Variants in PCDHGB3 observed in about 807,000 individuals in gnomAD.
The protein encoded by PCDHGB3 is protocadherin gamma subfamily B, 3.
A neutral mutation model predicts 59.2 loss-of-function variants in PCDHGB3; 40 were observed. The observed-to-expected ratio is 0.68, with a 90% CI of 0.52 to 0.88. PCDHGB3 has a LOEUF of 0.88. Ranked by LOEUF, PCDHGB3 falls within the 40% of genes least tolerant of loss-of-function variation. The pLI, the probability that PCDHGB3 is intolerant of heterozygous loss-of-function variation, is 0.00. For synonymous variants in PCDHGB3, 581 were observed against 503.6 expected, an observed-to-expected ratio of 1.15 and a Z score of -2.06; for missense variants, 1,309 against 1,187.9, an observed-to-expected ratio of 1.10 and a Z score of -1.50.
chr5:141,490,249 C>T lies in PCDHGB3; in HGVS notation c.2416-4558C>T, dbSNP rs2099697737. On this transcript the variant is annotated intron_variant, in intron 1 of 3. Coordinates refer to ENST00000576222, the MANE Select transcript of PCDHGB3 (RefSeq NM_018924.5). The surrounding 1 kb of genome is among the most constrained non-coding windows in gnomAD (Gnocchi z 5.4). ...TGCCATGGAGGGCCACTGTGTGATT[C>T]AAGTGGATGTGGGGGATGTCAATGA... The T allele has an allele frequency of 1.2e-6, 2 of 1,614,218 alleles. No individual in the cohort carries two copies. The highest frequency in any genetic ancestry group is 1.7e-6 in the Non-Finnish European group (2 of 1,180,044).
chr5:141,377,273 A>G (rs910126061), intron 1 of PCDHGB3: 1 of 96,864 alleles, frequency 1.0e-5, no homozygotes, highest in African/African-American at 5.8e-5. Flanking sequence ...CTAATGTGGG[A>G]AAAAAAATAA....
intron 1 of PCDHGB3, chr5:141,421,959 A>G (rs2096614103): frequency 1.9e-6 from 3 of 1,612,798 alleles, no homozygotes; most frequent in East Asian, 2.2e-5. Flanking sequence ...CAATGTTTAC[A>G]CAGTCCGTAT....
At position 141,372,722 on chromosome 5, in the gene PCDHGB3, A is replaced by T. The variant is rs551482869; in HGVS notation, c.2328A>T (p.Ala776=). 13 of 1,613,812 alleles carry T rather than the reference A, an allele frequency of 8.1e-6. No individual in the cohort carries two copies. The Admixed American group carries it at 2.2e-4, about 27-fold the overall frequency. ...KFLNIKAENA[A]PQDLLCDEAS... is the part of the protein sequence containing the mutation. The stretch of plus-strand genomic sequence containing the variant: ...TCAATATAAAGGCTGAAAATGCTGC[A>T]CCACAAGATCTTCTATGTGATGAAG... Residue 776 remains alanine, a synonymous_variant, in exon 1 of 4, where the codon GCA becomes GCT. Coordinates refer to ENST00000576222, the MANE Select transcript of PCDHGB3 (RefSeq NM_018924.5).
At position 141,393,973 on chromosome 5, in the gene PCDHGB3, G is replaced by A. The variant is rs776954838; in HGVS notation, c.2415+21164G>A. ...AATGGTCAAGTTGTCTGTTACACAC[G>A]TGATAATTTACCTTTTAAATTAGAA... On this transcript the variant is annotated intron_variant, in intron 1 of 3. Transcript: ENST00000576222. 3.1e-6 allele frequency: 5 copies of A among 1,613,784 alleles called. No individual in the cohort carries two copies. The South Asian group carries it at 5.5e-5, about 18-fold the overall frequency.
At chr5:141,448,074 G>A (rs1008235342) in intron 1 of PCDHGB3, among the ~76,000 whole-genome samples, 3 of 151,152 alleles carry the variant, frequency 2.0e-5, no homozygotes, top group Admixed American at 1.3e-4. Context: ...CAACATGAAC[G>A]AAATGCCATC....
At chr5:141,384,149 T>A in intron 1 of PCDHGB3, 1 of 1,613,370 alleles carries the variant, frequency 6.2e-7, no homozygotes, top group Non-Finnish European at 8.5e-7. Flanking sequence ...ACACTCTCTT[T>A]GTATAACATC....
intron 1 of PCDHGB3, among the ~76,000 whole-genome samples, chr5:141,373,223 T>C (rs1769412774): frequency 6.6e-6 from 1 of 152,256 alleles, no homozygotes; most frequent in Admixed American, 6.5e-5. Context: ...ATGTAACCTG[T>C]ATATAATATT....
rs771313271 is a variant in PCDHGB3 at position 141,477,861 on chromosome 5, G to C, written c.2416-16946G>C. 1.2e-6 allele frequency: 2 copies of C among 1,612,714 alleles called. No individual in the cohort carries two copies. Among genetic ancestry groups the C allele is most frequent in the South Asian group, 1.1e-5 (1 of 90,968 alleles). On this transcript the variant is annotated intron_variant, in intron 1 of 3. Transcript: ENST00000576222. The surrounding 1 kb of genome is among the most constrained non-coding windows in gnomAD (Gnocchi z 4.9). ...GGGAGCTCGGTGGAGATGCTGCCTC[G>C]AGGTACCTCAGCTGGCCACCTAGTG...
intron 1 of PCDHGB3, chr5:141,475,820 C>G (rs890721743): frequency 1.1e-5 from 4 of 351,810 alleles, no homozygotes; most frequent in Non-Finnish European, 1.5e-5. Context: ...AAGTTCCTGG[C>G]GCTAGCGCGT....
intron 1 of PCDHGB3, 96 bp from the exon 2 acceptor site, chr5:141,494,711 A>T (rs757105958): frequency 6.3e-7 from 1 of 1,599,616 alleles, no homozygotes; most frequent in Non-Finnish European, 8.5e-7. Context: ...CTCTGTGCCC[A>T]CTCCCCTCCT....
At chr5:141,414,220 C>T in intron 1 of PCDHGB3, 1 of 1,613,094 alleles carries the variant, frequency 6.2e-7, no homozygotes, top group Non-Finnish European at 8.5e-7. Flanking sequence ...TGACAACAGT[C>T]CAGAGCTGAC....
chr5:141,496,932 T>G (rs1336402833), intron 2 of PCDHGB3, among the ~76,000 whole-genome samples: 1 of 148,964 alleles, frequency 6.7e-6, no homozygotes, highest in Non-Finnish European at 1.5e-5. Context: ...ACGCCTGTAA[T>G]CCCAGCACTT....
chr5:141,425,836 C>T (rs568578402), intron 1 of PCDHGB3, among the ~76,000 whole-genome samples: 1 of 152,344 alleles, frequency 6.6e-6, no homozygotes, highest in East Asian at 1.9e-4. Context: ...TTTAAATTCT[C>T]TTTGCTGGGT....
At chr5:141,467,693 G>C (rs543886467) in intron 1 of PCDHGB3, among the ~76,000 whole-genome samples, 49 of 152,108 alleles carry the variant, frequency 3.2e-4, no homozygotes, top group African/African-American at 1.1e-3. Flanking sequence ...ACAGGGTCTG[G>C]CTCTGTTGCC....
At chr5:141,391,586 A>T (rs2092395151) in intron 1 of PCDHGB3, 1 of 152,234 alleles carries the variant, frequency 6.6e-6, no homozygotes. Flanking sequence ...TTCACAGGAA[A>T]ATATAAAGTT....
chr5:141,400,459 G>T, intron 1 of PCDHGB3: 1 of 1,614,072 alleles, frequency 6.2e-7, no homozygotes, highest in African/African-American at 1.3e-5. Context: ...CATACTTTGT[G>T]GTGATTCATC....
Position 141,413,628 on chromosome 5 carries a change from T to G in PCDHGB3, c.2415+40819T>G, listed in dbSNP as rs570797524. 4.3e-6 allele frequency: 7 copies of G among 1,613,878 alleles called. No homozygotes were observed. The African/African-American group carries it at 6.7e-5, about 15-fold the overall frequency. On this transcript the variant is annotated intron_variant, in intron 1 of 3. Coordinates refer to ENST00000576222, the MANE Select transcript of PCDHGB3 (RefSeq NM_018924.5). ...ACGTAAAAATTAATGAAAATGTCGC[T>G]GCGGGAATGCGTTTTCCTCTCCCGG...
Position 141,432,938 on chromosome 5 carries a change from G to C in PCDHGB3, c.2415+60129G>C. ...CTGGCACAAGTCACGCCTGCTGCAG[G>C]CTTCAGGAGGCGGCTTGACAGGAGC... On this transcript the variant is annotated intron_variant, in intron 1 of 3. Transcript: ENST00000576222. The surrounding 1 kb of genome is among the most constrained non-coding windows in gnomAD (Gnocchi z 6.0). 2 of 1,614,192 alleles carry C rather than the reference G, an allele frequency of 1.2e-6. No homozygotes were observed. Among genetic ancestry groups the C allele is most frequent in the South Asian group, 2.2e-5 (2 of 91,086 alleles).
intron 1 of PCDHGB3, chr5:141,410,296 A>G (rs1424650333): frequency 6.2e-7 from 1 of 1,613,774 alleles, no homozygotes; most frequent in Admixed American, 1.7e-5. Flanking sequence ...CCTTGGCCTT[A>G]ATCTCAGTGC....
Sources: gnomAD v4.1 joint callset for allele counts (sites outside exome capture counted in the v4.1 genomes callset) on GRCh38, gnomAD v4.1.1 for gene constraint, Gnocchi (gnomAD v3.1) non-coding constraint, MANE v1.5 for transcripts, NCBI Gene and HGNC (gene_info 2026-07-23, HGNC 2026-07-21) for gene names.